Variants in DENND1A observed in about 807,000 individuals in gnomAD.
DENND1A encodes DENN domain containing 1A, also known as DENN domain-containing protein 1A.
DENND1A carries 51 observed loss-of-function variants against 113.7 expected under a neutral mutation model. That is an observed-to-expected ratio of 0.45 (90% confidence interval 0.36 to 0.57). The LOEUF (loss-of-function observed/expected upper bound fraction) is 0.57, where lower values mean the gene tolerates loss of function less well. Ranked by LOEUF, DENND1A falls within the 20% of genes least tolerant of loss-of-function variation. The probability of loss-of-function intolerance (pLI) is 0.00; values close to 1 mark genes in which losing one functional copy is unlikely to be tolerated. For synonymous variants in DENND1A, 565 were observed against 570.8 expected (o/e 0.99, Z 0.14); for missense variants, 1,258 against 1,395.9 (o/e 0.90, Z 1.57).
Position 123,561,455 on chromosome 9 carries a change from C to T in DENND1A, c.868-3760G>A, listed in dbSNP as rs539997752. On this transcript the variant is annotated intron_variant, in intron 12 of 23. Coordinates refer to ENST00000394215, the MANE Select transcript of DENND1A (RefSeq NM_001352964.2). The stretch of plus-strand genomic sequence containing the variant: ...AACATGGAGAAGCTTTTGTCTTGAC[C>T]TGCCAGCACCTCAAACTTTGAAACT... Among the ~76,000 whole-genome samples, 22 of 152,288 alleles carry T rather than the reference C, an allele frequency of 1.4e-4. No individual in the cohort carries two copies. The East Asian group carries it at 4.2e-3, about 29-fold the overall frequency.
Position 123,652,015 on chromosome 9 carries a change from T to C in DENND1A, c.616A>G (p.Thr206Ala). 6.2e-7 allele frequency: 1 copy of C among 1,613,740 alleles called. No homozygotes were observed. Among genetic ancestry groups the C allele is most frequent in the Non-Finnish European group, 8.5e-7 (1 of 1,179,680 alleles). ...CAGTCTTAAGACTGTCTACTCACAG[T>C]GCTGAGTTTGCTGCAAATGATGAGT... ...RILIICSKLS[T>A]LTACIHGSAA... Residue 206 changes from threonine to alanine, a missense_variant and splice_region_variant, in exon 9 of 24, where the codon ACT (threonine) becomes GCT (alanine). By Grantham distance (58) the Thr-to-Ala change is moderately conservative (BLOSUM62 0). Coordinates refer to ENST00000394215, the MANE Select transcript of DENND1A (RefSeq NM_001352964.2).
chr9:123,807,390 C>T (rs1225161014), intron 2 of DENND1A, among the ~76,000 whole-genome samples: 1 of 152,210 alleles, frequency 6.6e-6, no homozygotes, highest in Non-Finnish European at 1.5e-5. Context: ...GACTGGTCTC[C>T]TCCCTAAGCT....
intron 13 of DENND1A, among the ~76,000 whole-genome samples, chr9:123,513,355 G>A (rs778755967): frequency 1.3e-4 from 20 of 152,214 alleles, no homozygotes; most frequent in Non-Finnish European, 2.2e-4. Context: ...TTTATACGTC[G>A]GATGCATGTT....
chr9:123,817,702 G>C (rs776709398), intron 2 of DENND1A, among the ~76,000 whole-genome samples: 2 of 152,226 alleles, frequency 1.3e-5, no homozygotes, highest in East Asian at 1.9e-4. Flanking sequence ...CTAACCCTTT[G>C]ACCAGGTAAC....
At chr9:123,482,681 G>T (rs2050446456) in intron 13 of DENND1A, among the ~76,000 whole-genome samples, 1 of 152,220 alleles carries the variant, frequency 6.6e-6, no homozygotes, top group Non-Finnish European at 1.5e-5. Flanking sequence ...TACCCCCTGG[G>T]ACAATGGCCT....
intron 5 of DENND1A, among the ~76,000 whole-genome samples, chr9:123,711,671 A>G (rs1217389949): frequency 6.6e-6 from 1 of 151,532 alleles, no homozygotes; most frequent in African/African-American, 2.4e-5. Context: ...AGGGGCTTCA[A>G]TGACCTCATC....
rs183228078 is a variant in DENND1A at position 123,620,168 on chromosome 9, C to T, written c.719+10208G>A. 5.5e-3 allele frequency among the ~76,000 whole-genome samples: 743 copies of T among 134,884 alleles called. 8 individuals are homozygous for T. The highest frequency in any genetic ancestry group is 0.02 in the African/African-American group (701 of 35,158). 88.5% of individuals were successfully genotyped at this position (134,884 alleles called of 152,430 possible). On this transcript the variant is annotated intron_variant, in intron 10 of 23. Coordinates refer to ENST00000394215, the MANE Select transcript of DENND1A (RefSeq NM_001352964.2). The stretch of plus-strand genomic sequence containing the variant: ...GGCGAAGGTTGCAGTGAGCTGAGAT[C>T]GCACCACTGCACTCCAGCCTGGGTG...
chr9:123,617,016 T>C (rs1347487273), intron 10 of DENND1A, among the ~76,000 whole-genome samples: 1 of 152,184 alleles, frequency 6.6e-6, no homozygotes, highest in Non-Finnish European at 1.5e-5. Flanking sequence ...TGCAGCAATC[T>C]TGAAAGGTGG....
intron 5 of DENND1A, among the ~76,000 whole-genome samples, chr9:123,750,566 C>T (rs1239818826): frequency 2.0e-5 from 3 of 152,190 alleles, no homozygotes; most frequent in African/African-American, 4.8e-5. Context: ...TATCAATCTG[C>T]CTTAGCAGTG....
At chr9:123,845,670 CAAAAAAAAA>C (rs555731367) in intron 2 of DENND1A, among the ~76,000 whole-genome samples, 145 of 44,104 alleles carry the variant, frequency 3.3e-3, no homozygotes, top group Non-Finnish European at 4.8e-3. Context: ...AACCTGTCTC[CAAAAAAAAA>C]AAAAAAAAAA....
At chr9:123,562,143 C>T (rs1174573305) in intron 12 of DENND1A, among the ~76,000 whole-genome samples, 1 of 152,164 alleles carries the variant, frequency 6.6e-6, no homozygotes, top group Non-Finnish European at 1.5e-5. Flanking sequence ...CGCCCTTCAC[C>T]ATCATCACCT....
chr9:123,438,315 A>C (rs1413221931), intron 19 of DENND1A, among the ~76,000 whole-genome samples: 1 of 152,206 alleles, frequency 6.6e-6, no homozygotes, highest in Non-Finnish European at 1.5e-5. Context: ...CTCTGCAGCT[A>C]ATCTGTCACC....
At chr9:123,913,782 G>A (rs1854522530) in intron 1 of DENND1A, among the ~76,000 whole-genome samples, 1 of 151,510 alleles carries the variant, frequency 6.6e-6, no homozygotes, top group Non-Finnish European at 1.5e-5. Flanking sequence ...GTGCATGCCT[G>A]TAATCCCAGC....
intron 12 of DENND1A, among the ~76,000 whole-genome samples, chr9:123,564,977 CTTCTTTTTTTTT>C: frequency 8.6e-6 from 1 of 115,962 alleles, no homozygotes; most frequent in Admixed American, 9.1e-5. Flanking sequence ...ATGTCTGTCC[CTTCTTTTTTTTT>C]TTTTTTTTTT....
chr9:123,526,285 T>C (rs1213550825), intron 13 of DENND1A, among the ~76,000 whole-genome samples: 3 of 152,146 alleles, frequency 2.0e-5, no homozygotes, highest in Non-Finnish European at 4.4e-5. Context: ...TCCTTTCCCA[T>C]TGATACTCAA....
chr9:123,767,565 T>C (rs1829025809), intron 4 of DENND1A, among the ~76,000 whole-genome samples: 1 of 152,202 alleles, frequency 6.6e-6, no homozygotes, highest in Non-Finnish European at 1.5e-5. Flanking sequence ...TTTTCTTCCA[T>C]TTCAGAATGT....
intron 4 of DENND1A, among the ~76,000 whole-genome samples, chr9:123,763,062 T>C (rs2071172519): frequency 6.6e-6 from 1 of 150,920 alleles, no homozygotes; most frequent in African/African-American, 2.4e-5. Context: ...CCACAGGTCA[T>C]GGTAAAGAAT....
chr9:123,908,725 T>C (rs1312678353), intron 1 of DENND1A, among the ~76,000 whole-genome samples: 111 of 150,662 alleles, frequency 7.4e-4, no homozygotes, highest in African/African-American at 2.6e-3. Flanking sequence ...TGTGGAGAAA[T>C]AGGAACACTT....
At chr9:123,718,190 G>C (rs1360970145) in intron 5 of DENND1A, among the ~76,000 whole-genome samples, 3 of 152,232 alleles carry the variant, frequency 2.0e-5, no homozygotes, top group Non-Finnish European at 2.9e-5. Flanking sequence ...CTTTATAGCT[G>C]AAGTGTCAAG....
Sources: gnomAD v4.1 joint callset for allele counts (sites outside exome capture counted in the v4.1 genomes callset) on GRCh38, gnomAD v4.1.1 for gene constraint, MANE v1.5 for transcripts, NCBI Gene and HGNC (gene_info 2026-07-23, HGNC 2026-07-21) for gene names.